The following IWS1 variants were observed in gnomAD, a reference collection of about 807,000 sequenced individuals.
IWS1 encodes protein IWS1 homolog.
A neutral mutation model predicts 86.7 loss-of-function variants in IWS1; 27 were observed. The ratio of observed to expected loss-of-function variants is 0.31; its 90% CI spans 0.23 to 0.43. IWS1 has a LOEUF of 0.43. Ranked by LOEUF, IWS1 falls within the 20% of genes least tolerant of loss-of-function variation. The pLI, the probability that IWS1 is intolerant of heterozygous loss-of-function variation, is 1.00. For synonymous variants in IWS1, 313 were observed against 335.1 expected (o/e 0.93, Z 0.72); for missense variants, 827 against 1,000.8 (o/e 0.83, Z 2.34).
At chr2:127,491,011 TAAG>T (rs757068312) in intron 10 of IWS1, 2 of 152,178 alleles carry the variant, frequency 1.3e-5, no homozygotes, top group Non-Finnish European at 2.9e-5. Context: ...CAGGAAGAGT[TAAG>T]GAGGACAACA....
In IWS1 at chr2:127,505,146, C is replaced by T; in HGVS notation, c.757G>A (p.Glu253Lys). The part of the protein sequence containing the change: ...PKPRISDSES[E>K]DPPRHQASDS... The stretch of plus-strand genomic sequence containing the variant: ...CTGGCCTGGTGCCTCGGAGGGTCCT[C>T]ACTTTCTGAGTCACTGATACGAGGT... Residue 253 changes from glutamate (E) to lysine (K), a missense_variant, in exon 3 of 14, where the codon GAG (glutamate) becomes AAG (lysine). Physicochemically the swap from Glu to Lys is moderately conservative, Grantham distance 56 (BLOSUM62 1). This residue lies in a region of IWS1 where 548 missense variants were observed against 560.2 expected (regional missense o/e 0.98). Coordinates refer to ENST00000295321, the MANE Select transcript of IWS1 (RefSeq NM_017969.3). This position sits in a 1 kb window ranked among gnomAD's most constrained non-coding sequence, Gnocchi z 5.0. 6.2e-7 allele frequency: 1 copy of T among 1,611,688 alleles called. No individual in the cohort carries two copies. The highest frequency in any genetic ancestry group is 8.5e-7 in the Non-Finnish European group (1 of 1,178,340).
Position 127,499,088 on chromosome 2 carries a change from TC to T in IWS1, c.1468-852del, listed in dbSNP as rs1217193522. On this transcript the variant is annotated intron_variant, in intron 5 of 13. Coordinates refer to ENST00000295321, the MANE Select transcript of IWS1 (RefSeq NM_017969.3). This position sits in a 1 kb window ranked among gnomAD's most constrained non-coding sequence, Gnocchi z 4.0. ...GCTAATATTTGCCAGGCATAATTTTTCTTTTTCTTTTTTTTTTTTTGAGACG... is the reference window on the plus strand; with the variant it reads ...GCTAATATTTGCCAGGCATAATTTTTTTTTTCTTTTTTTTTTTTTGAGACG... 6.6e-5 allele frequency among the ~76,000 whole-genome samples: 2 copies of T among 30,126 alleles called. No homozygotes were observed. The highest frequency in any genetic ancestry group is 3.0e-4 in the African/African-American group (2 of 6,670). The allele number at this position is 30,126 out of a possible 152,430, so 19.8% of individuals were successfully genotyped here.
intron 2 of IWS1, chr2:127,511,090 TTC>T (rs1691425507): frequency 6.6e-6 from 1 of 152,210 alleles, no homozygotes; most frequent in African/African-American, 2.4e-5. Context: ...AAGAATATCT[TTC>T]TTCTACCTTG....
At position 127,491,958 on chromosome 2, in the gene IWS1, A is replaced by C; in HGVS notation, c.2047+13T>G. 8 of 1,535,152 alleles carry C rather than the reference A, an allele frequency of 5.2e-6. No individual in the cohort carries two copies. Among genetic ancestry groups the C allele is most frequent in the Non-Finnish European group, 7.2e-6 (8 of 1,108,216 alleles). On this transcript the variant is annotated intron_variant, in intron 10 of 13. Transcript: ENST00000295321. ...CACATAAACACAACAAACAAAAAGGAAAATTTACATACTGATTAATTTCCC... is the reference window on the plus strand; with the variant it reads ...CACATAAACACAACAAACAAAAAGGCAAATTTACATACTGATTAATTTCCC...
chr2:127,489,674 C>G lies in IWS1; in HGVS notation c.2159+158G>C. Reference sequence around the variant, plus strand: ...GGACAGGACCCTCACTATACACTATCACATTTAAACTAAAAGGATATTATG... The same window carrying G: ...GGACAGGACCCTCACTATACACTATGACATTTAAACTAAAAGGATATTATG... On this transcript the variant is annotated intron_variant, in intron 11 of 13. Coordinates refer to ENST00000295321, the MANE Select transcript of IWS1 (RefSeq NM_017969.3). This position sits in a 1 kb window ranked among gnomAD's most constrained non-coding sequence, Gnocchi z 4.8. 1 of 626,892 alleles carries G rather than the reference C, an allele frequency of 1.6e-6. No homozygotes were observed. 38.8% of individuals were successfully genotyped at this position (626,892 alleles called of 1,614,324 possible).
rs34526019 is a variant in IWS1 at position 127,509,707 on chromosome 2, CAA to C, written c.151-3957_151-3956del. Among the ~76,000 whole-genome samples, 424 of 55,400 alleles carry C rather than the reference CAA, an allele frequency of 7.7e-3. 1 individual carries two copies. Among genetic ancestry groups the C allele is most frequent in the Non-Finnish European group, 0.01 (334 of 31,974 alleles). 36.3% of individuals were successfully genotyped at this position (55,400 alleles called of 152,430 possible). A position where few individuals can be genotyped will look rare whatever the true frequency, so the allele number is the denominator to read the frequency against. On this transcript the variant is annotated intron_variant, in intron 2 of 13. Transcript: ENST00000295321. ...TATGTGACAGAGCAACACTCCATCT[CAA>C]AAAAAAAAAAAAAAAAAAAAAAGCC...
Position 127,507,888 on chromosome 2 carries a change from G to T in IWS1, c.151-2136C>A, listed in dbSNP as rs552846638. 2.6e-5 allele frequency among the ~76,000 whole-genome samples: 4 copies of T among 152,250 alleles called. No individual in the cohort carries two copies. The East Asian group carries it at 7.7e-4, about 29-fold the overall frequency. On this transcript the variant is annotated intron_variant, in intron 2 of 13. Coordinates refer to ENST00000295321, the MANE Select transcript of IWS1 (RefSeq NM_017969.3). ...GCACCCAACACAAACTTTGTTTCAT[G>T]TGAAAAATTATTTAAAATAATGTGT...
At chr2:127,484,562 C>G (rs1051982319) in intron 13 of IWS1, 2 of 152,238 alleles carry the variant, frequency 1.3e-5, no homozygotes, top group African/African-American at 4.8e-5. Flanking sequence ...CATCAGCACA[C>G]AGGGACACAG....
chr2:127,483,615 T>C (rs1164349596), intron 13 of IWS1, among the ~76,000 whole-genome samples: 49 of 5,344 alleles, frequency 9.2e-3, no homozygotes, highest in Non-Finnish European at 0.067. Context: ...TGTGTGTGTG[T>C]GTGTGTGTGC....
chr2:127,521,572 A>G (rs1255354657), intron 2 of IWS1, among the ~76,000 whole-genome samples: 2 of 152,194 alleles, frequency 1.3e-5, no homozygotes, highest in Non-Finnish European at 2.9e-5. Flanking sequence ...GATGTGCTCC[A>G]AACACTTACA....
chr2:127,513,925 TAG>T (rs1412553875), intron 2 of IWS1, among the ~76,000 whole-genome samples: 2 of 152,296 alleles, frequency 1.3e-5, no homozygotes, highest in African/African-American at 4.8e-5. Context: ...GACAAATTCC[TAG>T]GCAGATAGGG....
intron 2 of IWS1, among the ~76,000 whole-genome samples, chr2:127,519,591 C>T (rs1233116385): frequency 1.3e-5 from 2 of 151,692 alleles, no homozygotes; most frequent in African/African-American, 4.8e-5. Context: ...AAAAAAAATA[C>T]CATTATTGGG....
chr2:127,520,519 TA>T (rs201535006), intron 2 of IWS1, among the ~76,000 whole-genome samples: 6 of 151,230 alleles, frequency 4.0e-5, no homozygotes, highest in Non-Finnish European at 5.9e-5. Context: ...CCATTACTTC[TA>T]AAAAAAAATG....
chr2:127,493,232 G>C, intron 9 of IWS1, 49 bp downstream of exon 9: 1 of 1,556,338 alleles, frequency 6.4e-7, no homozygotes, highest in South Asian at 1.2e-5. Flanking sequence ...TGACCATACA[G>C]ACCACATTAG....
chr2:127,516,763 A>C (rs1691798311), intron 2 of IWS1, among the ~76,000 whole-genome samples: 1 of 152,098 alleles, frequency 6.6e-6, no homozygotes, highest in African/African-American at 2.4e-5. Context: ...ACACCACTGC[A>C]CTCCAACCTA....
chr2:127,511,136 T>C (rs947527467), intron 2 of IWS1: 3 of 152,212 alleles, frequency 2.0e-5, no homozygotes, highest in African/African-American at 4.8e-5. Flanking sequence ...CCAAAAATAC[T>C]CGCCCCATGA....
At chr2:127,509,433 G>A (rs561098528) in intron 2 of IWS1, among the ~76,000 whole-genome samples, 19 of 152,292 alleles carry the variant, frequency 1.2e-4, no homozygotes, top group Middle Eastern at 3.4e-3. Flanking sequence ...ATGCCGCCGG[G>A]CGCAGTGGCT....
chr2:127,517,203 C>T (rs1691821866), intron 2 of IWS1, among the ~76,000 whole-genome samples: 1 of 152,066 alleles, frequency 6.6e-6, no homozygotes, highest in Non-Finnish European at 1.5e-5. Context: ...CGGTGCAATC[C>T]CCCATCAGAA....
At chr2:127,510,310 G>T (rs939813826) in intron 2 of IWS1, among the ~76,000 whole-genome samples, 1 of 152,148 alleles carries the variant, frequency 6.6e-6, no homozygotes, top group Non-Finnish European at 1.5e-5. Flanking sequence ...TTCCTGGAGT[G>T]TTGCAACACT....
Sources: allele counts gnomAD v4.1 joint callset (sites outside exome capture counted in the v4.1 genomes callset), GRCh38; gene constraint gnomAD v4.1.1; regional missense constraint gnomAD v4.1.1; non-coding constraint Gnocchi (gnomAD v3.1); transcripts MANE v1.5; gene names NCBI Gene and HGNC (gene_info 2026-07-23, HGNC 2026-07-21).